Variants in CTTNBP2 observed in about 807,000 individuals in gnomAD.
The protein encoded by CTTNBP2 is cortactin binding protein 2.
CTTNBP2 carries 108 observed loss-of-function variants against 156.9 expected under a neutral mutation model. The ratio of observed to expected loss-of-function variants is 0.69; its 90% CI spans 0.59 to 0.81. The LOEUF (loss-of-function observed/expected upper bound fraction) is 0.81. CTTNBP2 is among the 30% of genes least tolerant of loss of function. The probability of loss-of-function intolerance (pLI) is 0.00; values close to 1 mark genes in which losing one functional copy is unlikely to be tolerated. For missense variants in CTTNBP2, 1,924 were observed against 2,035.4 expected (o/e 0.95, Z 1.05); for synonymous variants, 767 against 751.8 (o/e 1.02, Z -0.33).
intron 2 of CTTNBP2, among the ~76,000 whole-genome samples, chr7:117,854,877 C>T (rs992399143): frequency 1.3e-5 from 2 of 152,088 alleles, no homozygotes; most frequent in Admixed American, 6.6e-5. Context: ...CTCCGCCTCC[C>T]GGGTTCAGGC....
chr7:117,775,092 T>C (rs1042142069), intron 8 of CTTNBP2, among the ~76,000 whole-genome samples: 2 of 152,224 alleles, frequency 1.3e-5, no homozygotes, highest in African/African-American at 4.8e-5. Flanking sequence ...CTGGGCTTCA[T>C]TCCCAACTTT....
intron 14 of CTTNBP2, among the ~76,000 whole-genome samples, chr7:117,738,983 T>G (rs1472046782): frequency 6.6e-6 from 1 of 152,172 alleles, no homozygotes; most frequent in African/African-American, 2.4e-5. Flanking sequence ...TTGGGTTATC[T>G]TTCCACTTCA....
intron 3 of CTTNBP2, among the ~76,000 whole-genome samples, chr7:117,806,131 T>C (rs1377162278): frequency 3.9e-5 from 6 of 152,134 alleles, no homozygotes; most frequent in Admixed American, 3.9e-4. Context: ...CACCAAACTC[T>C]TTTGCAAAAA....
chr7:117,725,279 C>T (rs1342897428), intron 17 of CTTNBP2, 22 bp from the exon 18 acceptor site: 1 of 1,603,438 alleles, frequency 6.2e-7, no homozygotes, highest in East Asian at 2.2e-5. Flanking sequence ...GGGACCGATT[C>T]ATCCCTTAGG....
At chr7:117,781,582 CA>C (rs1798436987) in intron 6 of CTTNBP2, among the ~76,000 whole-genome samples, 1 of 152,086 alleles carries the variant, frequency 6.6e-6, no homozygotes, top group Non-Finnish European at 1.5e-5. Context: ...TACTAAAATA[CA>C]AAAAATTATC....
chr7:117,829,393 C>G (rs1801474631), intron 2 of CTTNBP2, among the ~76,000 whole-genome samples: 1 of 152,208 alleles, frequency 6.6e-6, no homozygotes, highest in Non-Finnish European at 1.5e-5. Context: ...TTCTTAAAAC[C>G]CATCAGTTAC....
At chr7:117,856,836 T>G (rs10252771) in intron 2 of CTTNBP2, among the ~76,000 whole-genome samples, 47,211 of 152,082 alleles carry the variant, frequency 0.31, 7,725 homozygotes, top group South Asian at 0.36. Context: ...ATTTTGACTT[T>G]TAAAATTTTA....
Position 117,813,503 on chromosome 7 carries a change from C to T in CTTNBP2, c.190-2514G>A, listed in dbSNP as rs547099923. Among the ~76,000 whole-genome samples the T allele has an allele frequency of 4.6e-5, 7 of 152,262 alleles. No homozygotes were observed. In the South Asian group the frequency reaches 6.2e-4, roughly 14 times the overall value. On this transcript the variant is annotated intron_variant, in intron 2 of 22. Coordinates refer to ENST00000160373, the MANE Select transcript of CTTNBP2 (RefSeq NM_033427.3). ...GACAACTGAGGTCCCATGTTCTCTC[C>T]AGACTTCCCTATTGAACAGGACCTG... is the stretch of plus-strand genomic sequence containing the variant.
At chr7:117,813,201 G>C (rs1800388897) in intron 2 of CTTNBP2, among the ~76,000 whole-genome samples, 1 of 152,156 alleles carries the variant, frequency 6.6e-6, no homozygotes, top group African/African-American at 2.4e-5. Context: ...TGATTTCTTA[G>C]AGGAACACCC....
chr7:117,806,505 G>C (rs1799951448), intron 3 of CTTNBP2, among the ~76,000 whole-genome samples: 1 of 151,924 alleles, frequency 6.6e-6, no homozygotes, highest in Non-Finnish European at 1.5e-5. Context: ...TCTCTCCCTG[G>C]GCACTCCAAC....
intron 16 of CTTNBP2, among the ~76,000 whole-genome samples, chr7:117,734,371 AAAT>A (rs1343802301): frequency 5.3e-5 from 8 of 152,232 alleles, no homozygotes; most frequent in Non-Finnish European, 1.0e-4. Flanking sequence ...TAAAAATATT[AAAT>A]AATGATGTAT....
At chr7:117,865,690 A>G (rs1380255244) in intron 1 of CTTNBP2, among the ~76,000 whole-genome samples, 2 of 144,952 alleles carry the variant, frequency 1.4e-5, no homozygotes, top group Non-Finnish European at 3.0e-5. Flanking sequence ...AAAAAAAAAA[A>G]GAAAAGAAAA....
chr7:117,747,906 C>T (rs1796422176), intron 12 of CTTNBP2, among the ~76,000 whole-genome samples: 1 of 152,152 alleles, frequency 6.6e-6, no homozygotes, highest in Admixed American at 6.5e-5. Flanking sequence ...GGGCAGTGGT[C>T]CTTTAAGGGG....
intron 2 of CTTNBP2, among the ~76,000 whole-genome samples, chr7:117,824,750 C>G (rs1801176783): frequency 6.6e-6 from 1 of 152,212 alleles, no homozygotes; most frequent in Admixed American, 6.5e-5. Context: ...GCTAGTCCAC[C>G]CTTCACAATC....
intron 10 of CTTNBP2, among the ~76,000 whole-genome samples, chr7:117,759,755 A>C (rs1284016114): frequency 6.6e-6 from 1 of 152,228 alleles, no homozygotes; most frequent in Non-Finnish European, 1.5e-5. Flanking sequence ...CACCACTGAA[A>C]GGACCTTTTA....
At chr7:117,811,032 A>T in intron 2 of CTTNBP2, 43 bp from the exon 3 acceptor site, 1 of 1,402,508 alleles carries the variant, frequency 7.1e-7, no homozygotes. Flanking sequence ...AGAAATGAAA[A>T]TATACAGAAA....
chr7:117,843,207 T>A (rs1028368888), intron 2 of CTTNBP2, among the ~76,000 whole-genome samples: 20 of 152,222 alleles, frequency 1.3e-4, no homozygotes, highest in African/African-American at 4.6e-4. Context: ...GTAGGCTGCA[T>A]GCAAATACTA....
At chr7:117,741,117 G>A (rs1299751805) in intron 14 of CTTNBP2, among the ~76,000 whole-genome samples, 1 of 152,182 alleles carries the variant, frequency 6.6e-6, no homozygotes. Flanking sequence ...GCCTTGTGGA[G>A]GGCCCATGGA....
intron 3 of CTTNBP2, among the ~76,000 whole-genome samples, chr7:117,796,016 T>C (rs922305398): frequency 1.3e-5 from 2 of 152,232 alleles, no homozygotes; most frequent in Admixed American, 6.5e-5. Context: ...ACCACTCAAC[T>C]GACTTAGTCT....
Sources: allele counts gnomAD v4.1 joint callset (sites outside exome capture counted in the v4.1 genomes callset), GRCh38; gene constraint gnomAD v4.1.1; transcripts MANE v1.5; gene names NCBI Gene and HGNC (gene_info 2026-07-23, HGNC 2026-07-21).